ARHGAP17: variants seen among roughly 807,000 people sequenced by gnomAD.
The protein encoded by ARHGAP17 is rho GTPase-activating protein 17.
A neutral mutation model predicts 99.5 loss-of-function variants in ARHGAP17; 57 were observed. That is an observed-to-expected ratio of 0.57 (90% CI 0.46 to 0.71). ARHGAP17 has a LOEUF of 0.71. Ranked by LOEUF, ARHGAP17 falls within the 30% of genes least tolerant of loss-of-function variation. ARHGAP17 has a pLI of 0.00. For missense variants in ARHGAP17, 1,000 were observed against 1,122.4 expected (o/e 0.89, Z 1.56); for synonymous variants, 417 against 429.6 (o/e 0.97, Z 0.36).
At chr16:24,940,611 G>A (rs1255412524) in intron 16 of ARHGAP17, among the ~76,000 whole-genome samples, 1 of 152,162 alleles carries the variant, frequency 6.6e-6, no homozygotes, top group Non-Finnish European at 1.5e-5. Context: ...TGAGGTGGGA[G>A]GGCTGCCTGA....
chr16:24,932,198 T>A (rs2051013234), intron 18 of ARHGAP17, among the ~76,000 whole-genome samples: 1 of 151,966 alleles, frequency 6.6e-6, no homozygotes, highest in Non-Finnish European at 1.5e-5. Flanking sequence ...ATGTAACACA[T>A]TAACAACAGG....
Position 24,935,471 on chromosome 16 carries a change from T to TCGG in ARHGAP17, c.1890_1892dup (p.Arg631dup). On this transcript the variant is annotated inframe_insertion and splice_region_variant, in exon 18 of 20. Transcript: ENST00000289968. ...GCAAGGAGGACGGTGGCTGCTTACC[T>TCGG]CGGCGCAGTGTATGCGGGCTGGGCC... 1 of 1,590,442 alleles carries TCGG rather than the reference T, an allele frequency of 6.3e-7. No homozygotes were observed. Among genetic ancestry groups the TCGG allele is most frequent in the Non-Finnish European group, 8.6e-7 (1 of 1,167,886 alleles).
intron 1 of ARHGAP17, among the ~76,000 whole-genome samples, chr16:24,985,877 T>C (rs143221118): frequency 1.6e-4 from 25 of 152,106 alleles, no homozygotes; most frequent in African/African-American, 3.9e-4. Context: ...CACAGGTAGA[T>C]AGAGACACGA....
intron 1 of ARHGAP17, among the ~76,000 whole-genome samples, chr16:25,009,535 T>C (rs1392939894): frequency 1.3e-5 from 2 of 151,908 alleles, no homozygotes; most frequent in Non-Finnish European, 2.9e-5. Flanking sequence ...AGAGATGAGA[T>C]TCATTCAATT....
At chr16:24,990,878 G>C (rs763426904) in intron 1 of ARHGAP17, among the ~76,000 whole-genome samples, 1 of 151,158 alleles carries the variant, frequency 6.6e-6, no homozygotes, top group Non-Finnish European at 1.5e-5. Context: ...GTGGCAGAAC[G>C]AGCAGCAGGA....
chr16:24,994,218 A>G (rs2053130241), intron 1 of ARHGAP17, among the ~76,000 whole-genome samples: 1 of 152,178 alleles, frequency 6.6e-6, no homozygotes, highest in Non-Finnish European at 1.5e-5. Flanking sequence ...CCCTTTTCTA[A>G]GGTCAAAGAA....
chr16:24,983,976 G>A (rs1331687934), intron 1 of ARHGAP17, among the ~76,000 whole-genome samples: 1 of 152,186 alleles, frequency 6.6e-6, no homozygotes, highest in Non-Finnish European at 1.5e-5. Context: ...GTCCAACCCT[G>A]CAGTGTGGCT....
intron 1 of ARHGAP17, among the ~76,000 whole-genome samples, chr16:25,003,230 C>CTTT (rs564573463): frequency 0.018 from 1,618 of 90,564 alleles, 74 homozygotes; most frequent in African/African-American, 0.031. Flanking sequence ...AGCTTTAAAG[C>CTTT]TTTTTTTTTT....
intron 1 of ARHGAP17, among the ~76,000 whole-genome samples, chr16:24,998,202 T>A (rs2053254750): frequency 6.6e-6 from 1 of 150,632 alleles, no homozygotes; most frequent in African/African-American, 2.5e-5. Flanking sequence ...GAGGAGAGGG[T>A]CCTGGGAAGC....
intron 1 of ARHGAP17, among the ~76,000 whole-genome samples, chr16:24,991,062 C>T (rs540871724): frequency 2.0e-5 from 3 of 152,244 alleles, no homozygotes; most frequent in Admixed American, 1.3e-4. Context: ...GAGTGATACC[C>T]AATTCTAAGT....
At chr16:24,922,877 ATGT>A (rs1364313061) in intron 19 of ARHGAP17, among the ~76,000 whole-genome samples, 1 of 151,866 alleles carries the variant, frequency 6.6e-6, no homozygotes, top group African/African-American at 2.4e-5. Flanking sequence ...AGGTTTCACC[ATGT>A]TGACTGGGCT....
chr16:24,965,619 G>A (rs1408034192), intron 6 of ARHGAP17, among the ~76,000 whole-genome samples: 1 of 152,204 alleles, frequency 6.6e-6, no homozygotes, highest in Non-Finnish European at 1.5e-5. Context: ...CAGCAAGTCA[G>A]CCAAAGCTAA....
chr16:24,994,474 T>C (rs570771942), intron 1 of ARHGAP17, among the ~76,000 whole-genome samples: 12 of 152,274 alleles, frequency 7.9e-5, no homozygotes, highest in South Asian at 2.1e-4. Context: ...ATGAGTAAGA[T>C]AGGGCCCCTG....
At chr16:24,982,141 C>A (rs1001481956) in intron 1 of ARHGAP17, among the ~76,000 whole-genome samples, 3 of 151,298 alleles carry the variant, frequency 2.0e-5, no homozygotes, top group Non-Finnish European at 2.9e-5. Flanking sequence ...TGGTGGCTCA[C>A]GCCTATAATC....
chr16:24,949,389 CTCAA>C lies in ARHGAP17; in HGVS notation c.1127+11_1127+14del. 6.2e-7 allele frequency: 1 copy of C among 1,605,894 alleles called. No individual in the cohort carries two copies. Among genetic ancestry groups the C allele is most frequent in the Non-Finnish European group, 8.5e-7 (1 of 1,174,220 alleles). ...TATCTTCACTCCAGAGTCATTGTAG[CTCAA>C]TCATACATACCTAAAGTTAACAAAA... is the stretch of plus-strand genomic sequence containing the variant. On this transcript the variant is annotated intron_variant, in intron 13 of 19. Transcript: ENST00000289968.
chr16:24,941,871 T>A, intron 16 of ARHGAP17, 116 bp downstream of exon 16: 1 of 1,387,682 alleles, frequency 7.2e-7, no homozygotes, highest in East Asian at 2.3e-5. Context: ...CTGGACACCA[T>A]CAGTCATGGG....
intron 19 of ARHGAP17, among the ~76,000 whole-genome samples, chr16:24,929,355 G>C (rs1446380528): frequency 6.6e-6 from 1 of 152,098 alleles, no homozygotes; most frequent in Non-Finnish European, 1.5e-5. Context: ...TACTCTTCAA[G>C]AGCAGCTTGA....
chr16:24,926,771 G>A (rs1348720546), intron 19 of ARHGAP17, among the ~76,000 whole-genome samples: 2 of 152,184 alleles, frequency 1.3e-5, no homozygotes, highest in Non-Finnish European at 2.9e-5. Flanking sequence ...TCCTTCTGCA[G>A]AGCATTGTCT....
intron 1 of ARHGAP17, among the ~76,000 whole-genome samples, chr16:24,986,387 G>A (rs1437812437): frequency 6.6e-6 from 1 of 152,090 alleles, no homozygotes; most frequent in Non-Finnish European, 1.5e-5. Flanking sequence ...TCTAAACCAG[G>A]GGTCAGCAAA....
Sources: gnomAD v4.1 joint callset for allele counts (sites outside exome capture counted in the v4.1 genomes callset) on GRCh38, gnomAD v4.1.1 for gene constraint, MANE v1.5 for transcripts, NCBI Gene and HGNC (gene_info 2026-07-23, HGNC 2026-07-21) for gene names.